SOX5: variants seen among roughly 807,000 people sequenced by gnomAD.
SOX5 encodes SRY-box transcription factor 5, also known as transcription factor SOX-5.
In SOX5, 9 loss-of-function variants were observed where a neutral mutation model predicts 92.0. The observed-to-expected ratio is 0.10, with a 90% CI of 0.06 to 0.17. SOX5 has a LOEUF of 0.17. SOX5 is among the 10% of genes least tolerant of loss of function. SOX5 has a pLI of 1.00. For missense variants in SOX5, 642 were observed against 944.5 expected (o/e 0.68, Z 4.20); for synonymous variants, 344 against 336.3 (o/e 1.02, Z -0.25).
intron 4 of SOX5, among the ~76,000 whole-genome samples, chr12:24,026,728 T>C (rs1310870951): frequency 2.7e-5 from 4 of 149,880 alleles, no homozygotes; most frequent in Non-Finnish European, 5.9e-5. Flanking sequence ...CCATAGCAAA[T>C]CTGCAACTGT....
At chr12:24,552,253 C>T (rs1352576218) in intron 1 of SOX5, among the ~76,000 whole-genome samples, 1 of 152,224 alleles carries the variant, frequency 6.6e-6, no homozygotes, top group Non-Finnish European at 1.5e-5. Context: ...ATCAGTTGTG[C>T]TTTATCTTGG....
At chr12:23,783,533 T>C (rs1281698246) in intron 3 of SOX5, among the ~76,000 whole-genome samples, 1 of 152,162 alleles carries the variant, frequency 6.6e-6, no homozygotes, top group African/African-American at 2.4e-5. Context: ...GAGAATCAAG[T>C]TATATAGCAA....
intron 1 of SOX5, among the ~76,000 whole-genome samples, chr12:24,412,163 A>G (rs1321565076): frequency 1.3e-5 from 2 of 152,280 alleles, no homozygotes; most frequent in Non-Finnish European, 2.9e-5. Context: ...GATTACTGAT[A>G]TCGATAACTT....
chr12:24,521,711 T>C (rs1950279417), intron 1 of SOX5, among the ~76,000 whole-genome samples: 2 of 151,974 alleles, frequency 1.3e-5, no homozygotes, highest in African/African-American at 2.4e-5. Flanking sequence ...TGAACAACCA[T>C]AGGGTCAAAG....
intron 3 of SOX5, among the ~76,000 whole-genome samples, chr12:23,800,626 G>A (rs2095643440): frequency 1.3e-5 from 2 of 151,924 alleles, no homozygotes; most frequent in Middle Eastern, 3.4e-3. Flanking sequence ...TATAGATGAG[G>A]AACAGAAAAT....
At chr12:24,380,781 A>G (rs1476609269) in intron 1 of SOX5, among the ~76,000 whole-genome samples, 1 of 152,208 alleles carries the variant, frequency 6.6e-6, no homozygotes, top group African/African-American at 2.4e-5. Flanking sequence ...ACTGAGGAAA[A>G]CCAAAGAATT....
intron 3 of SOX5, among the ~76,000 whole-genome samples, chr12:23,785,998 A>C (rs2095370527): frequency 6.6e-6 from 1 of 152,040 alleles, no homozygotes. Flanking sequence ...AAGATTTTTT[A>C]AATAGTGGGA....
At chr12:24,488,281 T>C (rs2137919023) in intron 1 of SOX5, among the ~76,000 whole-genome samples, 1 of 152,214 alleles carries the variant, frequency 6.6e-6, no homozygotes, top group South Asian at 2.1e-4. Context: ...GCATGTCTGA[T>C]CAACATGTTG....
At chr12:24,202,209 A>G (rs1347629215) in intron 4 of SOX5, among the ~76,000 whole-genome samples, 1 of 152,228 alleles carries the variant, frequency 6.6e-6, no homozygotes, top group Non-Finnish European at 1.5e-5. Context: ...TAACATACCT[A>G]TCACTCTATT....
Position 24,128,538 on chromosome 12 carries a change from A to G in SOX5, c.-2+84805T>C, listed in dbSNP as rs576497418. Among the ~76,000 whole-genome samples, 4 of 152,326 alleles carry G rather than the reference A, an allele frequency of 2.6e-5. No individual in the cohort carries two copies. The East Asian group carries it at 7.7e-4, about 29-fold the overall frequency. On this transcript the variant is annotated intron_variant, in intron 4 of 4. Coordinates refer to the SOX5 transcript ENST00000446891. The stretch of plus-strand genomic sequence containing the variant: ...CTCGAAACTTGATATTTTGGCTGAG[A>G]CCTAAAGGATGAAAAGCCAGACGTG...
At chr12:24,068,843 G>A (rs1383851882) in intron 4 of SOX5, among the ~76,000 whole-genome samples, 3 of 149,956 alleles carry the variant, frequency 2.0e-5, no homozygotes, top group East Asian at 2.0e-4. Context: ...AGAAGGGCTG[G>A]ACTTCAAGGA....
chr12:24,203,725 A>T (rs1957753074), intron 4 of SOX5, among the ~76,000 whole-genome samples: 1 of 152,190 alleles, frequency 6.6e-6, no homozygotes, highest in Non-Finnish European at 1.5e-5. Flanking sequence ...GTGAAATACA[A>T]ATATTCTGAT....
chr12:24,363,777 GT>G (rs1327539632), intron 2 of SOX5, among the ~76,000 whole-genome samples: 1 of 151,970 alleles, frequency 6.6e-6, no homozygotes, highest in Non-Finnish European at 1.5e-5. Flanking sequence ...AGGAGCAGGT[GT>G]CTGTAGTATG....
chr12:23,885,883 C>CAA (rs34898602), intron 2 of SOX5, among the ~76,000 whole-genome samples: 124 of 143,106 alleles, frequency 8.7e-4, no homozygotes, highest in African/African-American at 2.2e-3. Flanking sequence ...AAGAAAATGG[C>CAA]AAAAAAAAAA....
intron 2 of SOX5, among the ~76,000 whole-genome samples, chr12:23,848,145 A>T (rs1408566964): frequency 6.6e-6 from 1 of 152,160 alleles, no homozygotes; most frequent in Non-Finnish European, 1.5e-5. Flanking sequence ...CTACACTTTG[A>T]ACATTTCTGT....
intron 4 of SOX5, among the ~76,000 whole-genome samples, chr12:24,041,901 T>C (rs1956563543): frequency 6.6e-6 from 1 of 152,154 alleles, no homozygotes; most frequent in South Asian, 2.1e-4. Context: ...TTAATAATAA[T>C]TTGTAACTTA....
chr12:23,840,220 AT>A (rs1666978924), intron 3 of SOX5, among the ~76,000 whole-genome samples: 1 of 152,166 alleles, frequency 6.6e-6, no homozygotes, highest in South Asian at 2.1e-4. Flanking sequence ...AGACAATATA[AT>A]TTATATTTAC....
intron 1 of SOX5, among the ~76,000 whole-genome samples, chr12:24,422,124 A>G (rs189022647): frequency 2.6e-5 from 4 of 152,356 alleles, no homozygotes; most frequent in Admixed American, 2.0e-4. Flanking sequence ...GGCATCGATG[A>G]CTAGGAGGAA....
intron 1 of SOX5, among the ~76,000 whole-genome samples, chr12:24,526,259 T>A (rs372167042): frequency 1.9e-3 from 287 of 152,240 alleles, no homozygotes; most frequent in African/African-American, 6.7e-3. Context: ...AGAGTGTTTT[T>A]CCTCTTAAAA....
Sources: allele counts gnomAD v4.1 joint callset (sites outside exome capture counted in the v4.1 genomes callset), GRCh38; gene constraint gnomAD v4.1.1; transcripts MANE v1.5; gene names NCBI Gene and HGNC (gene_info 2026-07-23, HGNC 2026-07-21).